The following DIPK1A variants were observed in gnomAD, a reference collection of about 807,000 sequenced individuals.
DIPK1A encodes the protein family with sequence similarity 69 member A.
In DIPK1A, 27 loss-of-function variants were observed where a neutral mutation model predicts 40.8. The observed-to-expected ratio is 0.66, with a 90% CI of 0.49 to 0.91. The LOEUF (loss-of-function observed/expected upper bound fraction) is 0.91, where lower values mean the gene tolerates loss of function less well. Ranked by LOEUF, DIPK1A falls within the 40% of genes least tolerant of loss-of-function variation. The pLI, the probability that DIPK1A is intolerant of heterozygous loss-of-function variation, is 0.00. For missense variants in DIPK1A, 412 were observed against 505.7 expected, an observed-to-expected ratio of 0.81 and a Z score of 1.78; for synonymous variants, 166 against 171.3, an observed-to-expected ratio of 0.97 and a Z score of 0.24.
At chr1:92,922,887 G>T (rs1030009991) in intron 1 of DIPK1A, among the ~76,000 whole-genome samples, 2 of 151,508 alleles carry the variant, frequency 1.3e-5, no homozygotes, top group African/African-American at 4.8e-5. Context: ...AGAAAAGTCT[G>T]TCATCCATAG....
chr1:92,836,586 C>T (rs1386943875), intron 4 of DIPK1A: 2 of 598,158 alleles, frequency 3.3e-6, no homozygotes, highest in South Asian at 1.9e-5. Flanking sequence ...GTCTGAGGCC[C>T]AGAGTTATTT....
intron 1 of DIPK1A, among the ~76,000 whole-genome samples, chr1:92,915,373 T>G (rs1388973795): frequency 6.6e-6 from 1 of 152,138 alleles, no homozygotes; most frequent in Non-Finnish European, 1.5e-5. Context: ...TGGAGGAAAT[T>G]TATACACATA....
rs185988927 is a variant in DIPK1A, at chr1:92,851,034, A to G, written c.190-79T>C. The G allele has an allele frequency of 5.8e-4, 521 of 893,514 alleles. 9 individuals carry two copies. The East Asian group carries it at 0.013, about 23-fold the overall frequency. The allele number at this position is 893,514 out of a possible 1,614,324, so 55.3% of individuals were successfully genotyped here. A position where few individuals can be genotyped will look rare whatever the true frequency, so the allele number is the denominator to read the frequency against. On this transcript the variant is annotated intron_variant, in intron 2 of 4. Transcript: ENST00000370310. Reference sequence around the variant, plus strand: ...GCATAAAGAGATATCTATATCCTTTATGAGTAAGTTCTATGACAAAAAGAA... The same window carrying G: ...GCATAAAGAGATATCTATATCCTTTGTGAGTAAGTTCTATGACAAAAAGAA...
intron 1 of DIPK1A, among the ~76,000 whole-genome samples, chr1:92,942,285 A>C (rs1651183744): frequency 6.6e-6 from 1 of 152,212 alleles, no homozygotes; most frequent in African/African-American, 2.4e-5. Context: ...GTCCTGGGGG[A>C]ATAAATTATC....
Position 92,834,640 on chromosome 1 carries a change from A to C in DIPK1A, c.475-1606T>G, listed in dbSNP as rs981883914. The C allele has an allele frequency of 3.6e-6, 4 of 1,111,738 alleles. No individual in the cohort carries two copies. The African/African-American group carries it at 6.2e-5, about 17-fold the overall frequency. The allele number at this position is 1,111,738 out of a possible 1,614,324, so 68.9% of individuals were successfully genotyped here. On this transcript the variant is annotated intron_variant, in intron 4 of 4. Transcript: ENST00000615519. ...TTTAAGCACCTCTAATTTACTGGTAACCCAGCTAAGAGTCTTAAGCATTTT... is the reference window on the plus strand; with the variant it reads ...TTTAAGCACCTCTAATTTACTGGTACCCCAGCTAAGAGTCTTAAGCATTTT...
chr1:92,896,058 T>C (rs1172472059), intron 1 of DIPK1A, among the ~76,000 whole-genome samples: 1 of 152,102 alleles, frequency 6.6e-6, no homozygotes, highest in Non-Finnish European at 1.5e-5. Flanking sequence ...AGAATCAATA[T>C]CGTAAAAATG....
At chr1:92,941,543 A>C (rs1360297910) in intron 1 of DIPK1A, among the ~76,000 whole-genome samples, 1 of 152,190 alleles carries the variant, frequency 6.6e-6, no homozygotes, top group Non-Finnish European at 1.5e-5. Flanking sequence ...TCACTATCTT[A>C]ACACAGACAC....
At chr1:92,836,115 T>C in intron 4 of DIPK1A, 1 of 1,377,412 alleles carries the variant, frequency 7.3e-7, no homozygotes, top group Non-Finnish European at 1.0e-6. Flanking sequence ...GTCCTTACGG[T>C]TATGACATAA....
At chr1:92,850,709 A>G (rs1284059170) in intron 3 of DIPK1A, 139 bp downstream of exon 3, 4 of 606,032 alleles carry the variant, frequency 6.6e-6, no homozygotes, top group Non-Finnish European at 1.2e-5. Flanking sequence ...CTGTTTAATG[A>G]ATGAATCAAA....
chr1:92,843,738 A>G lies in DIPK1A; in HGVS notation c.932T>C (p.Val311Ala). 1.3e-6 allele frequency: 2 copies of G among 1,551,662 alleles called. No homozygotes were observed. Among genetic ancestry groups the G allele is most frequent in the Non-Finnish European group, 1.7e-6 (2 of 1,146,962 alleles). Residue 311 changes from valine to alanine, a missense_variant, in exon 5 of 5, where the codon GTG (valine) becomes GCG (alanine). Coordinates refer to ENST00000370310, the MANE Select transcript of DIPK1A (RefSeq NM_001006605.5). ...GYNDKYDLKM[V>A]DMRKIVPETN... The stretch of plus-strand genomic sequence containing the variant: ...CTCTGGCACAATTTTTCTCATATCC[A>G]CCATTTTCAAATCATACTTATCATT...
At chr1:92,899,595 T>C (rs1487444234) in intron 1 of DIPK1A, among the ~76,000 whole-genome samples, 1 of 152,166 alleles carries the variant, frequency 6.6e-6, no homozygotes, top group Non-Finnish European at 1.5e-5. Context: ...TTATTAATTG[T>C]TTTCTGCTTG....
intron 1 of DIPK1A, among the ~76,000 whole-genome samples, chr1:92,959,054 G>C (rs1256601367): frequency 6.6e-6 from 1 of 152,178 alleles, no homozygotes; most frequent in African/African-American, 2.4e-5. Flanking sequence ...GGGAGGTCAA[G>C]GCAGGAGGAC....
intron 3 of DIPK1A, 89 bp downstream of exon 3, chr1:92,850,759 G>A (rs1687792812): frequency 1.3e-6 from 1 of 746,824 alleles, no homozygotes; most frequent in Non-Finnish European, 2.2e-6. Flanking sequence ...TCAAAGCTTT[G>A]GTTCAAGAAT....
chr1:92,892,639 A>C (rs1054392012), intron 1 of DIPK1A, among the ~76,000 whole-genome samples: 3 of 152,076 alleles, frequency 2.0e-5, no homozygotes, highest in African/African-American at 7.3e-5. Flanking sequence ...CAATGGAACA[A>C]AGCTGGATGG....
intron 1 of DIPK1A, among the ~76,000 whole-genome samples, chr1:92,885,377 AT>A (rs1221038354): frequency 4.7e-5 from 7 of 149,320 alleles, no homozygotes; most frequent in Admixed American, 2.0e-4. Context: ...TATCTAATTC[AT>A]TTTTTTTTTG....
At chr1:92,961,331 G>T (rs546605617) in intron 1 of DIPK1A, 45 bp downstream of exon 1, 2 of 1,440,144 alleles carry the variant, frequency 1.4e-6, no homozygotes, top group African/African-American at 3.0e-5. Flanking sequence ...CAGGGCACAC[G>T]GCCGGGTGCT....
At chr1:92,937,490 G>T (rs1650989905) in intron 1 of DIPK1A, among the ~76,000 whole-genome samples, 1 of 152,080 alleles carries the variant, frequency 6.6e-6, no homozygotes, top group Non-Finnish European at 1.5e-5. Flanking sequence ...ATTTTTTACA[G>T]ACTAAATGGT....
intron 1 of DIPK1A, among the ~76,000 whole-genome samples, chr1:92,903,549 T>A (rs1232117545): frequency 6.6e-6 from 1 of 152,210 alleles, no homozygotes; most frequent in Non-Finnish European, 1.5e-5. Context: ...GAGGCACTGA[T>A]AAGAGCTGGT....
At chr1:92,925,888 T>C (rs7417198) in intron 1 of DIPK1A, among the ~76,000 whole-genome samples, 53,160 of 152,054 alleles carry the variant, frequency 0.35, 9,743 homozygotes, top group African/African-American at 0.38. Context: ...AATTTATTGG[T>C]GTAAAGTTGT....
Sources: allele counts gnomAD v4.1 joint callset (sites outside exome capture counted in the v4.1 genomes callset), GRCh38; gene constraint gnomAD v4.1.1; transcripts MANE v1.5; gene names NCBI Gene and HGNC (gene_info 2026-07-23, HGNC 2026-07-21).